HECW1: variants seen among roughly 807,000 people sequenced by gnomAD.
HECW1 encodes HECT, C2 and WW domain containing E3 ubiquitin protein ligase 1, also known as E3 ubiquitin-protein ligase HECW1.
A neutral mutation model predicts 182.3 loss-of-function variants in HECW1; 61 were observed. The observed-to-expected ratio is 0.33, with a 90% CI of 0.27 to 0.41. HECW1 has a LOEUF of 0.41. Ranked by LOEUF, HECW1 falls within the 10% of genes least tolerant of loss-of-function variation. The pLI is 1.00. For synonymous variants in HECW1, 859 were observed against 832.6 expected (o/e 1.03, Z -0.55); for missense variants, 1,739 against 2,108.9 (o/e 0.82, Z 3.44).
intron 2 of HECW1, among the ~76,000 whole-genome samples, chr7:43,183,730 G>A (rs990814480): frequency 4.6e-5 from 7 of 152,066 alleles, no homozygotes; most frequent in African/African-American, 1.4e-4. Context: ...AATTCAAATT[G>A]AATGTTGTTT....
intron 2 of HECW1, among the ~76,000 whole-genome samples, chr7:43,208,307 T>C (rs548300147): frequency 6.6e-6 from 1 of 152,382 alleles, no homozygotes; most frequent in Admixed American, 6.5e-5. Context: ...CCTTTGCTTC[T>C]TTTGCAAATC....
intron 2 of HECW1, among the ~76,000 whole-genome samples, chr7:43,165,006 C>T (rs987455382): frequency 6.6e-6 from 1 of 152,112 alleles, no homozygotes; most frequent in Non-Finnish European, 1.5e-5. Context: ...GCCCCTTTGT[C>T]TATATTTGTA....
intron 6 of HECW1, among the ~76,000 whole-genome samples, chr7:43,371,414 A>C (rs1333610636): frequency 6.6e-6 from 1 of 152,050 alleles, no homozygotes; most frequent in Non-Finnish European, 1.5e-5. Flanking sequence ...GATATATGGG[A>C]ATGCTGTGCT....
intron 6 of HECW1, among the ~76,000 whole-genome samples, chr7:43,366,198 A>G (rs1816635882): frequency 6.6e-6 from 1 of 152,176 alleles, no homozygotes; most frequent in South Asian, 2.1e-4. Flanking sequence ...AGCAGAGGTA[A>G]GAGTTGACAC....
chr7:43,115,458 T>A (rs1467782728), intron 2 of HECW1, among the ~76,000 whole-genome samples: 3 of 152,140 alleles, frequency 2.0e-5, no homozygotes, highest in Admixed American at 6.5e-5. Flanking sequence ...TTCCAATCAT[T>A]GGTTTTTGTT....
At chr7:43,233,320 T>G (rs180687480) in intron 2 of HECW1, among the ~76,000 whole-genome samples, 1 of 152,344 alleles carries the variant, frequency 6.6e-6, no homozygotes, top group East Asian at 1.9e-4. Flanking sequence ...TCTATTATGG[T>G]AAAGACAAGA....
At chr7:43,126,067 C>CTT (rs71008891) in intron 2 of HECW1, among the ~76,000 whole-genome samples, 21,978 of 103,096 alleles carry the variant, frequency 0.21, 1,140 homozygotes, top group Admixed American at 0.24. Context: ...TTTGTTCTCA[C>CTT]TTTTTTTTTT....
At chr7:43,438,301 A>G (rs2076772857) in intron 9 of HECW1, 156 bp downstream of exon 9, 1 of 598,482 alleles carries the variant, frequency 1.7e-6, no homozygotes, top group Non-Finnish European at 2.8e-6. Flanking sequence ...TGCCTGAGCC[A>G]ACATAAGTGT....
chr7:43,307,627 T>C (rs1218413374), intron 3 of HECW1, among the ~76,000 whole-genome samples: 1 of 152,078 alleles, frequency 6.6e-6, no homozygotes, highest in Non-Finnish European at 1.5e-5. Flanking sequence ...GAGAGAATGA[T>C]TAAATTGCTT....
At chr7:43,508,638 T>C (rs928014199) in intron 23 of HECW1, 2 of 321,160 alleles carry the variant, frequency 6.2e-6, no homozygotes, top group Non-Finnish European at 1.2e-5. Flanking sequence ...GAAATTCTTT[T>C]ATGTGTCCCA....
At chr7:43,407,345 C>T (rs2075645181) in intron 7 of HECW1, among the ~76,000 whole-genome samples, 1 of 151,956 alleles carries the variant, frequency 6.6e-6, no homozygotes, top group Non-Finnish European at 1.5e-5. Context: ...TACACCCGGA[C>T]CCATCAAATT....
chr7:43,424,971 G>C (rs185257044), intron 8 of HECW1, among the ~76,000 whole-genome samples: 104 of 152,204 alleles, frequency 6.8e-4, no homozygotes, highest in Non-Finnish European at 1.2e-3. Flanking sequence ...ATATATTAGG[G>C]AGGGAATAAT....
chr7:43,247,748 A>T (rs1174605909), intron 3 of HECW1, among the ~76,000 whole-genome samples: 1 of 93,402 alleles, frequency 1.1e-5, no homozygotes, highest in East Asian at 3.4e-4. Context: ...GGAAGGAGGG[A>T]GGGAGGAAGG....
At chr7:43,250,241 G>T (rs1451226032) in intron 3 of HECW1, among the ~76,000 whole-genome samples, 1 of 152,028 alleles carries the variant, frequency 6.6e-6, no homozygotes, top group Non-Finnish European at 1.5e-5. Flanking sequence ...GGTCACTCTG[G>T]TCCACAGCAG....
intron 8 of HECW1, among the ~76,000 whole-genome samples, chr7:43,416,889 A>C (rs1044131968): frequency 2.6e-5 from 4 of 151,830 alleles, no homozygotes; most frequent in Non-Finnish European, 5.9e-5. Context: ...CTTCGGCTCG[A>C]GCACGGTGTG....
intron 2 of HECW1, among the ~76,000 whole-genome samples, chr7:43,185,817 C>T (rs1348785003): frequency 6.6e-6 from 1 of 151,988 alleles, no homozygotes; most frequent in African/African-American, 2.4e-5. Context: ...TTACATTTTC[C>T]TTTAATATAA....
chr7:43,460,536 G>A (rs1435177238), intron 13 of HECW1, among the ~76,000 whole-genome samples: 4 of 151,856 alleles, frequency 2.6e-5, no homozygotes, highest in South Asian at 4.2e-4. Context: ...GTGTGTGCGC[G>A]CGTGCGTGTG....
chr7:43,390,117 C>G (rs1384232387), intron 6 of HECW1, among the ~76,000 whole-genome samples: 1 of 152,108 alleles, frequency 6.6e-6, no homozygotes, highest in Admixed American at 6.5e-5. Flanking sequence ...TTTTTCCAAC[C>G]CCTCTCTTTT....
intron 12 of HECW1, among the ~76,000 whole-genome samples, chr7:43,451,962 A>G (rs1469446911): frequency 6.6e-6 from 1 of 152,214 alleles, no homozygotes; most frequent in Non-Finnish European, 1.5e-5. Context: ...GTTCTTGGTA[A>G]TGTGCTGTAC....
Sources: gnomAD v4.1 joint callset for allele counts (sites outside exome capture counted in the v4.1 genomes callset) on GRCh38, gnomAD v4.1.1 for gene constraint, MANE v1.5 for transcripts, NCBI Gene and HGNC (gene_info 2026-07-23, HGNC 2026-07-21) for gene names.